The following DBX1 variants were observed in gnomAD, a reference collection of about 807,000 sequenced individuals.
DBX1 encodes the protein homeobox protein DBX1.
A neutral mutation model predicts 20.8 loss-of-function variants in DBX1; 10 were observed. That is an observed-to-expected ratio of 0.48 (90% CI 0.30 to 0.82). DBX1 has a LOEUF of 0.82. DBX1 is among the 40% of genes least tolerant of loss of function. The pLI is 0.07. For synonymous variants in DBX1, 241 were observed against 213.9 expected (o/e 1.13, Z -1.11); for missense variants, 505 against 468.8 (o/e 1.08, Z -0.71).
intron 2 of DBX1, 50 bp downstream of exon 2, chr11:20,159,141 G>A (rs1436461722): frequency 4.1e-5 from 55 of 1,327,324 alleles, no homozygotes; most frequent in Non-Finnish European, 5.6e-5. Flanking sequence ...GCGATGGGCC[G>A]GGGCTGGGGC....
intron 2 of DBX1, among the ~76,000 whole-genome samples, chr11:20,158,590 A>G (rs1176208898): frequency 6.6e-6 from 1 of 152,262 alleles, no homozygotes; most frequent in South Asian, 2.1e-4. Context: ...AAGGAGTATG[A>G]GAAGGGGTTT....
rs542394693 is a variant in DBX1, at chr11:20,159,350, C to T, written c.368-58G>A. On this transcript the variant is annotated intron_variant, in intron 1 of 3. Transcript: ENST00000524983. ...GAGGGAGACAGAAAGAATCTGATTACGTACTTGCCTATTGTATAGCACACT... is the reference window on the plus strand; with the variant it reads ...GAGGGAGACAGAAAGAATCTGATTATGTACTTGCCTATTGTATAGCACACT... 4.2e-5 allele frequency: 49 copies of T among 1,170,788 alleles called. No individual in the cohort carries two copies. In the African/African-American group the frequency reaches 6.3e-4, roughly 15 times the overall value. 72.5% of individuals were successfully genotyped at this position (1,170,788 alleles called of 1,614,324 possible). A position where few individuals can be genotyped will look rare whatever the true frequency, so the allele number is the denominator to read the frequency against.
Position 20,156,637 on chromosome 11 carries a change from C to T in DBX1, c.673-64G>A, listed in dbSNP as rs768161161. On this transcript the variant is annotated intron_variant, in intron 3 of 3. Coordinates refer to ENST00000524983, the MANE Select transcript of DBX1 (RefSeq NM_001029865.4). This position sits in a 1 kb window ranked among gnomAD's most constrained non-coding sequence, Gnocchi z 4.8. ...AGGTCAGATCAGGGGCTCCGGGGGA[C>T]GCACGGGGGCGGGGAGTGGAGTCGG... 9 of 1,611,464 alleles carry T rather than the reference C, an allele frequency of 5.6e-6. No homozygotes were observed. Among genetic ancestry groups the T allele is most frequent in the Admixed American group, 1.7e-5 (1 of 60,012 alleles).
intron 2 of DBX1, 63 bp downstream of exon 2, chr11:20,159,128 G>A: frequency 1.7e-6 from 2 of 1,165,196 alleles, no homozygotes; most frequent in East Asian, 4.7e-5. Flanking sequence ...TTCGGAGCAG[G>A]GAGCGATGGG....
At position 20,156,511 on chromosome 11, in the gene DBX1, C is replaced by A; in HGVS notation, c.735G>T (p.Leu245=). ...KWRNSKEREL[L]SSGGCREQTL... ...TCTGCTCGCGACAGCCCCCGCTAGA[C>A]AGGAGTTCGCGCTCCTTGGAGTTCC... Residue 245 remains leucine (L), a synonymous_variant, in exon 4 of 4, where the codon CTG becomes CTT. Transcript: ENST00000524983. The surrounding 1 kb of genome is among the most constrained non-coding windows in gnomAD (Gnocchi z 4.8). 1 of 1,614,014 alleles carries A rather than the reference C, an allele frequency of 6.2e-7. No individual in the cohort carries two copies. The highest frequency in any genetic ancestry group is 1.1e-5 in the South Asian group (1 of 91,090).
chr11:20,157,598 G>A (rs1458516479), intron 2 of DBX1, among the ~76,000 whole-genome samples: 1 of 152,140 alleles, frequency 6.6e-6, no homozygotes, highest in Non-Finnish European at 1.5e-5. Flanking sequence ...ATATCCAGCC[G>A]AGGCCACTGT....
chr11:20,156,528 T>G lies in DBX1; in HGVS notation c.718A>C (p.Lys240Gln). The change falls in exon 4 of 4, where the codon AAG becomes CAG. Residue 240 changes from lysine (K) to glutamine (Q), a missense_variant. Lys to Gln is a moderately conservative substitution (Grantham distance 53). Coordinates refer to ENST00000524983, the MANE Select transcript of DBX1 (RefSeq NM_001029865.4). The surrounding 1 kb of genome is among the most constrained non-coding windows in gnomAD (Gnocchi z 4.8). ...QNRRMKWRNSKERELLSSGGC... is the reference protein window; with the variant it reads ...QNRRMKWRNSQERELLSSGGC... ...CCGCTAGACAGGAGTTCGCGCTCCT[T>G]GGAGTTCCGCCATTTCATGCGTCGG... 6.2e-7 allele frequency: 1 copy of G among 1,613,996 alleles called. No homozygotes were observed. The highest frequency in any genetic ancestry group is 8.5e-7 in the Non-Finnish European group (1 of 1,180,010).
Position 20,157,087 on chromosome 11 carries a change from T to G in DBX1, c.622A>C (p.Lys208Gln). The G allele has an allele frequency of 1.2e-6, 2 of 1,614,068 alleles. No individual in the cohort carries two copies. Among genetic ancestry groups the G allele is most frequent in the Non-Finnish European group, 1.7e-6 (2 of 1,179,998 alleles). The change falls in exon 3 of 4, where the codon AAG becomes CAG. Residue 208 changes from lysine (K) to glutamine (Q), a missense_variant. Physicochemically the swap from Lys to Gln is moderately conservative, Grantham distance 53. Transcript: ENST00000524983. ...GCCGCCAGCTTCTTGCGGTCGGGCT[T>G]GCTGATGTACTTCTGCTTCTGGAAC... is the stretch of plus-strand genomic sequence containing the variant. ...KMFQKQKYIS[K>Q]PDRKKLAAKL...
chr11:20,156,989 G>A lies in DBX1; in HGVS notation c.672+48C>T. The A allele has an allele frequency of 6.4e-7, 1 of 1,570,986 alleles. No individual in the cohort carries two copies. The highest frequency in any genetic ancestry group is 8.7e-7 in the Non-Finnish European group (1 of 1,154,022). On this transcript the variant is annotated intron_variant, in intron 3 of 3. Transcript: ENST00000524983. This position sits in a 1 kb window ranked among gnomAD's most constrained non-coding sequence, Gnocchi z 4.8. The stretch of plus-strand genomic sequence containing the variant: ...TGCAATTGACGGGTGCGCCGGGGAG[G>A]GGTGAAGGGCGGGGGCGGGGGGGGT...
Position 20,156,992 on chromosome 11 carries a change from T to TGAAGGGCGGGGGCGGGGG in DBX1, c.672+27_672+44dup. Reference sequence around the variant, plus strand: ...AATTGACGGGTGCGCCGGGGAGGGGTGAAGGGCGGGGGCGGGGGGGGTGCT... The same window carrying TGAAGGGCGGGGGCGGGGG: ...AATTGACGGGTGCGCCGGGGAGGGGTGAAGGGCGGGGGCGGGGGGAAGGGCGGGGGCGGGGGGGGTGCT... On this transcript the variant is annotated intron_variant, in intron 3 of 3. Coordinates refer to ENST00000524983, the MANE Select transcript of DBX1 (RefSeq NM_001029865.4). The surrounding 1 kb of genome is among the most constrained non-coding windows in gnomAD (Gnocchi z 4.8). 7.3e-7 allele frequency: 1 copy of TGAAGGGCGGGGGCGGGGG among 1,369,464 alleles called. No individual in the cohort carries two copies. The highest frequency in any genetic ancestry group is 9.6e-7 in the Non-Finnish European group (1 of 1,045,868). 84.8% of individuals were successfully genotyped at this position (1,369,464 alleles called of 1,614,324 possible).
rs565091187 is a variant in DBX1 at position 20,159,866 on chromosome 11, T to G, written c.367+92A>C. 4.0e-4 allele frequency: 633 copies of G among 1,568,072 alleles called. 1 individual carries two copies. The highest frequency in any genetic ancestry group is 4.8e-4 in the Non-Finnish European group (549 of 1,143,974). ...TATTGTGTGTGCACCGATGTGTGTGTGGGGGCCCGCTCGCTAGAGGAAACT... is the reference window on the plus strand; with the variant it reads ...TATTGTGTGTGCACCGATGTGTGTGGGGGGGCCCGCTCGCTAGAGGAAACT... On this transcript the variant is annotated intron_variant, in intron 1 of 3. Coordinates refer to ENST00000524983, the MANE Select transcript of DBX1 (RefSeq NM_001029865.4).
chr11:20,160,300 G>T lies in DBX1; in HGVS notation c.25C>A (p.Pro9Thr), dbSNP rs1186511937. 6.6e-7 allele frequency: 1 copy of T among 1,526,188 alleles called. No homozygotes were observed. Among genetic ancestry groups the T allele is most frequent in the Non-Finnish European group, 8.8e-7 (1 of 1,138,640 alleles). The allele number at this position is 1,526,188 out of a possible 1,614,324, so 94.5% of individuals were successfully genotyped here. ...AGGAGGCTAGGGTACCCGGCGGGGGGCGCGAGGAGGCCGGGGAACATCATG... is the reference window on the plus strand; with the variant it reads ...AGGAGGCTAGGGTACCCGGCGGGGGTCGCGAGGAGGCCGGGGAACATCATG... MMFPGLLA[P>T]PAGYPSLLRP... The change falls in exon 1 of 4, where the codon CCC becomes ACC. Residue 9 changes from proline to threonine, a missense_variant. By Grantham distance (38) the Pro-to-Thr change is conservative (BLOSUM62 -1). Coordinates refer to ENST00000524983, the MANE Select transcript of DBX1 (RefSeq NM_001029865.4).
chr11:20,159,228 C>T lies in DBX1; in HGVS notation c.432G>A (p.Gly144=), dbSNP rs752884849. Residue 144 remains glycine, a synonymous_variant, in exon 2 of 4, where the codon GGG becomes GGA. Transcript: ENST00000524983. ...AAGATCTGATGAAAGGCTGAAAAGA[C>T]CCTTCGAAGTAGGGAAAGGCGAAGG... The part of the protein sequence containing the change: ...PKTFAFPYFE[G]SFQPFIRSSY... The T allele has an allele frequency of 6.2e-6, 10 of 1,613,790 alleles. No individual in the cohort carries two copies. In the South Asian group the frequency reaches 1.1e-4, roughly 18 times the overall value.
chr11:20,160,049 G>T lies in DBX1; in HGVS notation c.276C>A (p.Gly92=). ...GGGAGAAGGCAGTCGGCGGAGAGCCGCCCCGTCGGCTGCCGGGACCCGGGG... is the reference window on the plus strand; with the variant it reads ...GGGAGAAGGCAGTCGGCGGAGAGCCTCCCCGTCGGCTGCCGGGACCCGGGG... ...LGSPGPGSRR[G]GSPPTAFSPA... is the part of the protein sequence containing the mutation. The change falls in exon 1 of 4, where the codon GGC becomes GGA. Residue 92 remains glycine (G), a synonymous_variant. Coordinates refer to ENST00000524983, the MANE Select transcript of DBX1 (RefSeq NM_001029865.4). 6.3e-7 allele frequency: 1 copy of T among 1,587,112 alleles called. No individual in the cohort carries two copies. Among genetic ancestry groups the T allele is most frequent in the Non-Finnish European group, 8.6e-7 (1 of 1,167,200 alleles).
rs777192433 is a variant in DBX1, at chr11:20,156,638, G to T, written c.673-65C>A. ...GGTCAGATCAGGGGCTCCGGGGGAC[G>T]CACGGGGGCGGGGAGTGGAGTCGGG... On this transcript the variant is annotated intron_variant, in intron 3 of 3. Coordinates refer to ENST00000524983, the MANE Select transcript of DBX1 (RefSeq NM_001029865.4). The surrounding 1 kb of genome is among the most constrained non-coding windows in gnomAD (Gnocchi z 4.8). 6.2e-7 allele frequency: 1 copy of T among 1,610,950 alleles called. No individual in the cohort carries two copies. Among genetic ancestry groups the T allele is most frequent in the Admixed American group, 1.7e-5 (1 of 60,014 alleles).
At position 20,159,966 on chromosome 11, in the gene DBX1, G is replaced by A; in HGVS notation, c.359C>T (p.Pro120Leu). Reference protein sequence around the residue: ...FGVNAILSSGPRTETSPALLQ... With the variant: ...FGVNAILSSGLRTETSPALLQ... The stretch of plus-strand genomic sequence containing the variant: ...GTTCTGACCTCGCTTACCTGTTCTG[G>A]GCCCCGAGGAGAGGATGGCGTTCAC... Residue 120 changes from proline to leucine, a missense_variant, in exon 1 of 4, where the codon CCC becomes CTC. By Grantham distance (98) the Pro-to-Leu change is moderately conservative (BLOSUM62 -3). Coordinates refer to ENST00000524983, the MANE Select transcript of DBX1 (RefSeq NM_001029865.4). The A allele has an allele frequency of 3.7e-6, 6 of 1,614,046 alleles. No individual in the cohort carries two copies. The highest frequency in any genetic ancestry group is 5.1e-6 in the Non-Finnish European group (6 of 1,180,000).
chr11:20,157,509 C>A (rs2063666352), intron 2 of DBX1, among the ~76,000 whole-genome samples: 1 of 152,178 alleles, frequency 6.6e-6, no homozygotes, highest in Non-Finnish European at 1.5e-5. Context: ...TTTTTCCATT[C>A]AGTGGACTTA....
In DBX1 at chr11:20,156,511, C is replaced by CAGG; in HGVS notation, c.732_734dup (p.Leu245dup). On this transcript the variant is annotated inframe_insertion, in exon 4 of 4. Transcript: ENST00000524983. The surrounding 1 kb of genome is among the most constrained non-coding windows in gnomAD (Gnocchi z 4.8). ...TCTGCTCGCGACAGCCCCCGCTAGA[C>CAGG]AGGAGTTCGCGCTCCTTGGAGTTCC... is the stretch of plus-strand genomic sequence containing the variant. 1.9e-6 allele frequency: 3 copies of CAGG among 1,614,014 alleles called. No homozygotes were observed. Among genetic ancestry groups the CAGG allele is most frequent in the Non-Finnish European group, 2.5e-6 (3 of 1,180,030 alleles).
intron 2 of DBX1, among the ~76,000 whole-genome samples, chr11:20,158,459 A>G (rs2063671600): frequency 6.6e-6 from 1 of 152,136 alleles, no homozygotes; most frequent in African/African-American, 2.4e-5. Flanking sequence ...AGGTTACAGG[A>G]AGAAAACCTG....
Sources: gnomAD v4.1 joint callset for allele counts (sites outside exome capture counted in the v4.1 genomes callset) on GRCh38, gnomAD v4.1.1 for gene constraint, Gnocchi (gnomAD v3.1) non-coding constraint, MANE v1.5 for transcripts, NCBI Gene and HGNC (gene_info 2026-07-23, HGNC 2026-07-21) for gene names.